The following SAE1 variants were observed in gnomAD, a reference collection of about 807,000 sequenced individuals.
SAE1 encodes SUMO-activating enzyme subunit 1.
A neutral mutation model predicts 40.6 loss-of-function variants in SAE1; 11 were observed. The ratio of observed to expected loss-of-function variants is 0.27; its 90% confidence interval spans 0.17 to 0.45. SAE1 has a LOEUF of 0.45. SAE1 is among the 20% of genes least tolerant of loss of function. The probability of loss-of-function intolerance (pLI) is 1.00; values close to 1 mark genes in which losing one functional copy is unlikely to be tolerated. For missense variants in SAE1, 373 were observed against 427.3 expected (o/e 0.87, Z 1.12); for synonymous variants, 155 against 154.3 (o/e 1.00, Z -0.03).
chr19:47,196,714 C>T (rs2058618801), intron 6 of SAE1, among the ~76,000 whole-genome samples: 9 of 151,952 alleles, frequency 5.9e-5, no homozygotes, highest in Admixed American at 5.9e-4. Context: ...CCACTGCTTT[C>T]TGCCCCCTTC....
intron 2 of SAE1, among the ~76,000 whole-genome samples, chr19:47,147,320 C>T (rs962821891): frequency 7.0e-6 from 1 of 143,082 alleles, no homozygotes; most frequent in Non-Finnish European, 1.5e-5. Context: ...TATTCTCCCA[C>T]TTAAGCCTCC....
At chr19:47,162,667 T>C (rs980870177) in intron 5 of SAE1, among the ~76,000 whole-genome samples, 3 of 152,170 alleles carry the variant, frequency 2.0e-5, no homozygotes, top group Non-Finnish European at 4.4e-5. Flanking sequence ...TGCAGAATTA[T>C]ATTACTTGTT....
chr19:47,184,397 T>C (rs2058530277), intron 6 of SAE1, among the ~76,000 whole-genome samples: 1 of 152,110 alleles, frequency 6.6e-6, no homozygotes, highest in South Asian at 2.1e-4. Flanking sequence ...TCATTCTGTC[T>C]TTTTTGTTTT....
intron 8 of SAE1, among the ~76,000 whole-genome samples, chr19:47,204,510 T>C (rs138453601): frequency 0.12 from 4,463 of 37,274 alleles, 201 homozygotes; most frequent in African/African-American, 0.25. Flanking sequence ...ACCCCCCCCC[T>C]TTTTTTTTTT....
rs139818565 is a variant in SAE1, at chr19:47,138,244, A to G, written c.99-5250A>G. The stretch of plus-strand genomic sequence containing the variant: ...TTTTTAGTAGAGACCAGGTTTCGCC[A>G]TGTTGGCCAGGGTGGTCTTGAACTC... On this transcript the variant is annotated intron_variant, in intron 1 of 8. Transcript: ENST00000270225. 7.8e-3 allele frequency among the ~76,000 whole-genome samples: 1,188 copies of G among 151,936 alleles called. 10 individuals are homozygous for G. Among genetic ancestry groups the G allele is most frequent in the African/African-American group, 0.027 (1,129 of 41,428 alleles).
At chr19:47,167,656 T>C (rs1489441420) in intron 5 of SAE1, among the ~76,000 whole-genome samples, 4 of 152,208 alleles carry the variant, frequency 2.6e-5, no homozygotes, top group Admixed American at 2.0e-4. Flanking sequence ...GTTATCATCT[T>C]GTCTCTCTGT....
intron 6 of SAE1, among the ~76,000 whole-genome samples, chr19:47,173,476 A>G (rs192773373): frequency 5.3e-5 from 8 of 152,220 alleles, no homozygotes; most frequent in Admixed American, 3.9e-4. Flanking sequence ...CCTCAGTTCA[A>G]TGACCCCTGT....
chr19:47,181,341 T>TA, intron 6 of SAE1, among the ~76,000 whole-genome samples: 1 of 151,814 alleles, frequency 6.6e-6, no homozygotes, highest in East Asian at 1.9e-4. Context: ...AATAATAAAA[T>TA]AAAAAACAAA....
Position 47,143,548 on chromosome 19 carries a change from T to G in SAE1, c.153T>G (p.Ile51Met). 6.2e-7 allele frequency: 1 copy of G among 1,614,178 alleles called. No individual in the cohort carries two copies. The highest frequency in any genetic ancestry group is 1.3e-5 in the African/African-American group (1 of 75,044). The change falls in exon 2 of 9, where the codon ATT becomes ATG. Residue 51 changes from isoleucine to methionine, a missense_variant. Physicochemically the swap from Ile to Met is conservative, Grantham distance 10 (BLOSUM62 1). Around this residue, in one of 3 missense-constraint regions of SAE1, gnomAD observed 351 missense variants for 390.6 expected, o/e 0.90. Coordinates refer to ENST00000270225, the MANE Select transcript of SAE1 (RefSeq NM_005500.3). ...GCTTGAAAGGACTTGGGGCTGAAATTGCCAAGAATCTCATCTTGGCAGGAG... is the reference window on the plus strand; with the variant it reads ...GCTTGAAAGGACTTGGGGCTGAAATGGCCAAGAATCTCATCTTGGCAGGAG... ...LVGLKGLGAE[I>M]AKNLILAGVK...
intron 2 of SAE1, among the ~76,000 whole-genome samples, chr19:47,145,128 G>A (rs564228738): frequency 2.0e-5 from 3 of 151,396 alleles, no homozygotes; most frequent in South Asian, 2.1e-4. Flanking sequence ...TCAATCTCCC[G>A]AGTAGCTGGG....
chr19:47,170,748 A>G (rs2058426224), intron 6 of SAE1, among the ~76,000 whole-genome samples: 1 of 151,978 alleles, frequency 6.6e-6, no homozygotes, highest in Non-Finnish European at 1.5e-5. Flanking sequence ...CTCTAGTGAA[A>G]TCCCCGCGTT....
intron 2 of SAE1, among the ~76,000 whole-genome samples, chr19:47,145,913 A>G (rs973694540): frequency 2.0e-5 from 3 of 146,786 alleles, no homozygotes; most frequent in Non-Finnish European, 4.5e-5. Flanking sequence ...AAAGATGCTC[A>G]CGGTTTGGTT....
intron 2 of SAE1, among the ~76,000 whole-genome samples, chr19:47,147,451 G>GT (rs913600035): frequency 2.7e-5 from 4 of 150,890 alleles, no homozygotes; most frequent in Admixed American, 1.3e-4. Flanking sequence ...TCAATTATAT[G>GT]TTTTTTTTGT....
At chr19:47,195,297 C>A (rs2058606751) in intron 6 of SAE1, among the ~76,000 whole-genome samples, 1 of 152,128 alleles carries the variant, frequency 6.6e-6, no homozygotes, top group Admixed American at 6.6e-5. Flanking sequence ...TCAGATGATC[C>A]ACCCGCCTTG....
chr19:47,164,128 T>G (rs147334192), intron 5 of SAE1, among the ~76,000 whole-genome samples: 4 of 152,264 alleles, frequency 2.6e-5, no homozygotes, highest in African/African-American at 7.2e-5. Context: ...TCAATAAGCA[T>G]TCCCCAAATC....
chr19:47,209,009 A>G (rs2058699440), intron 8 of SAE1, 150 bp from the exon 9 acceptor site: 1 of 642,572 alleles, frequency 1.6e-6, no homozygotes, highest in Non-Finnish European at 2.7e-6. Flanking sequence ...AGGACAATCA[A>G]AATTGTCTCC....
At chr19:47,165,683 C>T (rs971660744) in intron 5 of SAE1, among the ~76,000 whole-genome samples, 1 of 152,184 alleles carries the variant, frequency 6.6e-6, no homozygotes, top group South Asian at 2.1e-4. Flanking sequence ...GTGGGTAAGA[C>T]AGGTACCACC....
chr19:47,179,589 A>G (rs1314564466), intron 6 of SAE1, among the ~76,000 whole-genome samples: 3 of 152,082 alleles, frequency 2.0e-5, no homozygotes, highest in African/African-American at 7.2e-5. Context: ...TCTGTACCCC[A>G]GGCTGGAGTG....
chr19:47,157,468 G>A (rs1248546924), intron 5 of SAE1, among the ~76,000 whole-genome samples: 1 of 152,196 alleles, frequency 6.6e-6, no homozygotes, highest in Non-Finnish European at 1.5e-5. Flanking sequence ...TGGCTTAAGG[G>A]CCTTCTCTGA....
Sources: allele counts gnomAD v4.1 joint callset (sites outside exome capture counted in the v4.1 genomes callset), GRCh38; gene constraint gnomAD v4.1.1; regional missense constraint gnomAD v4.1.1; transcripts MANE v1.5; gene names NCBI Gene and HGNC (gene_info 2026-07-23, HGNC 2026-07-21).